The following RABGAP1 variants were observed in gnomAD, a reference collection of about 807,000 sequenced individuals.
RABGAP1 encodes the protein RAB GTPase activating protein 1, also known as rab GTPase-activating protein 1.
In RABGAP1, 23 loss-of-function variants were observed where a neutral mutation model predicts 137.6. The ratio of observed to expected loss-of-function variants is 0.17; its 90% CI spans 0.12 to 0.24. RABGAP1 has a LOEUF of 0.24. Among genes scored for constraint, RABGAP1 ranks in the 10% least tolerant of loss-of-function variants. The pLI is 1.00. For synonymous variants in RABGAP1, 451 were observed against 450.7 expected (o/e 1.00, Z -0.01); for missense variants, 906 against 1,275.8 (o/e 0.71, Z 4.42).
At position 123,081,697 on chromosome 9, in the gene RABGAP1, C is replaced by T. The variant is rs910531200; in HGVS notation, c.2424+4935C>T. Among the ~76,000 whole-genome samples, 13 of 152,334 alleles carry T rather than the reference C, an allele frequency of 8.5e-5. No individual in the cohort carries two copies. The South Asian group carries it at 1.0e-3, about 12-fold the overall frequency. On this transcript the variant is annotated intron_variant, in intron 19 of 25. Transcript: ENST00000373647. The stretch of plus-strand genomic sequence containing the variant: ...GACTCAAGTGATCAACCCACCTCTC[C>T]CTCCCAAAGTGCTGGGATTACAGGT...
intron 2 of RABGAP1, among the ~76,000 whole-genome samples, chr9:122,958,944 G>A (rs1478143163): frequency 3.9e-5 from 6 of 152,150 alleles, no homozygotes; most frequent in Non-Finnish European, 8.8e-5. Context: ...AGGAGGTGGA[G>A]GCTGCAGTGA....
chr9:122,953,045 A>G (rs1834332562), intron 1 of RABGAP1, among the ~76,000 whole-genome samples: 1 of 152,212 alleles, frequency 6.6e-6, no homozygotes, highest in African/African-American at 2.4e-5. Context: ...ACAACTTAGA[A>G]TGTGAAATTA....
At chr9:123,045,796 C>T (rs1160360468) in intron 13 of RABGAP1, among the ~76,000 whole-genome samples, 1 of 152,094 alleles carries the variant, frequency 6.6e-6, no homozygotes, top group East Asian at 1.9e-4. Flanking sequence ...GTCTTTGGCC[C>T]TTGGTTTTCT....
In RABGAP1 at chr9:123,083,410, A is replaced by T. The variant is rs2034773613; in HGVS notation, c.2425-6348A>T. ...TTTTAGAATCAGATTTTATGAGGAA[A>T]CTTCTGAATGGATGCTCTCTCTGTA... On this transcript the variant is annotated intron_variant, in intron 19 of 25. Coordinates refer to ENST00000373647, the MANE Select transcript of RABGAP1 (RefSeq NM_012197.4). Among the ~76,000 whole-genome samples the T allele has an allele frequency of 2.0e-5, 3 of 152,212 alleles. No individual in the cohort carries two copies. The South Asian group carries it at 6.2e-4, about 32-fold the overall frequency.
intron 13 of RABGAP1, among the ~76,000 whole-genome samples, chr9:123,055,227 T>C (rs899478618): frequency 5.9e-5 from 9 of 152,176 alleles, no homozygotes; most frequent in African/African-American, 1.7e-4. Context: ...GGTCTTGTTC[T>C]GTCACAGAGG....
At chr9:123,055,360 TTG>T (rs2033649114) in intron 13 of RABGAP1, among the ~76,000 whole-genome samples, 1 of 151,960 alleles carries the variant, frequency 6.6e-6, no homozygotes, top group Admixed American at 6.6e-5. Context: ...GTTAATTTTT[TTG>T]TGTTTTTTGT....
At chr9:123,084,837 G>A (rs528737343) in intron 19 of RABGAP1, among the ~76,000 whole-genome samples, 2 of 152,314 alleles carry the variant, frequency 1.3e-5, no homozygotes, top group Admixed American at 6.5e-5. Context: ...TTTTACAGAT[G>A]AGGAAATAGA....
chr9:122,946,471 T>C (rs1386312550), intron 1 of RABGAP1, among the ~76,000 whole-genome samples: 1 of 152,146 alleles, frequency 6.6e-6, no homozygotes, highest in Non-Finnish European at 1.5e-5. Flanking sequence ...TGCTTAAAAA[T>C]ACTCATATTT....
At chr9:123,087,838 C>T (rs1447229753) in intron 19 of RABGAP1, among the ~76,000 whole-genome samples, 1 of 152,184 alleles carries the variant, frequency 6.6e-6, no homozygotes, top group African/African-American at 2.4e-5. Flanking sequence ...TCTGGAGACA[C>T]TGACACCAAC....
rs574557600 is a variant in RABGAP1 at position 122,951,272 on chromosome 9, T to A, written c.-49-5739T>A. 4.8e-4 allele frequency among the ~76,000 whole-genome samples: 73 copies of A among 152,328 alleles called. No homozygotes were observed. In the South Asian group the frequency reaches 0.014, roughly 30 times the overall value. ...TTATTAGTATCACCCACACCTCTTA[T>A]TAAGCTAGGTAGGTCACTTACTGGG... On this transcript the variant is annotated intron_variant, in intron 1 of 25. Transcript: ENST00000373647.
At chr9:123,083,825 C>T (rs2034786520) in intron 19 of RABGAP1, among the ~76,000 whole-genome samples, 1 of 152,216 alleles carries the variant, frequency 6.6e-6, no homozygotes, top group Admixed American at 6.5e-5. Flanking sequence ...GTGGCTGCTG[C>T]TTGCATCCCT....
At chr9:123,062,908 C>T (rs2034033651) in intron 13 of RABGAP1, 1 of 152,084 alleles carries the variant, frequency 6.6e-6, no homozygotes, top group East Asian at 1.9e-4. Flanking sequence ...CATGCCTCAG[C>T]CTTCCAAGTA....
intron 14 of RABGAP1, among the ~76,000 whole-genome samples, chr9:123,067,662 A>G (rs965241000): frequency 6.6e-6 from 1 of 152,166 alleles, no homozygotes; most frequent in Admixed American, 6.5e-5. Flanking sequence ...GGCAGGGATC[A>G]TTTCTTAGAT....
chr9:122,970,078 T>TG (rs1835391151), intron 2 of RABGAP1, among the ~76,000 whole-genome samples: 1 of 151,366 alleles, frequency 6.6e-6, no homozygotes, highest in Admixed American at 6.6e-5. Context: ...CGGCTAATTT[T>TG]TTTTTTTTTT....
intron 2 of RABGAP1, among the ~76,000 whole-genome samples, chr9:122,977,823 TAG>T (rs1283169348): frequency 6.6e-6 from 1 of 152,156 alleles, no homozygotes; most frequent in Non-Finnish European, 1.5e-5. Flanking sequence ...GGATTGTAGA[TAG>T]AGATTTGAGA....
At chr9:123,092,495 T>G (rs993329034) in intron 21 of RABGAP1, among the ~76,000 whole-genome samples, 3 of 152,178 alleles carry the variant, frequency 2.0e-5, no homozygotes, top group Non-Finnish European at 1.5e-5. Flanking sequence ...GCTATAAAAC[T>G]TGAGATTCAG....
intron 13 of RABGAP1, among the ~76,000 whole-genome samples, chr9:123,030,174 A>G (rs1368499343): frequency 2.6e-5 from 4 of 151,946 alleles, no homozygotes; most frequent in African/African-American, 9.7e-5. Flanking sequence ...CTTGTTCTGT[A>G]AGAGGTTTTA....
At chr9:123,036,791 C>A (rs966134945) in intron 13 of RABGAP1, among the ~76,000 whole-genome samples, 6 of 151,554 alleles carry the variant, frequency 4.0e-5, no homozygotes, top group Non-Finnish European at 8.8e-5. Flanking sequence ...GAAAAAAAAT[C>A]CTTTGGCATA....
chr9:123,102,940 T>G (rs1229017771), intron 25 of RABGAP1, 151 bp from the exon 26 acceptor site: 1 of 1,080,484 alleles, frequency 9.3e-7, no homozygotes, highest in African/African-American at 1.6e-5. Flanking sequence ...CTTTAGGCAT[T>G]TCAGGCATTT....
Sources: allele counts gnomAD v4.1 joint callset (sites outside exome capture counted in the v4.1 genomes callset), GRCh38; gene constraint gnomAD v4.1.1; transcripts MANE v1.5; gene names NCBI Gene and HGNC (gene_info 2026-07-23, HGNC 2026-07-21).